The following BBS9 variants were observed in gnomAD, a reference collection of about 807,000 sequenced individuals.
BBS9 encodes the protein Bardet-Biedl syndrome 9.
Under a neutral mutation model 117.7 loss-of-function variants are expected in BBS9, and 89 were observed. That is an observed-to-expected ratio of 0.76 (90% CI 0.64 to 0.90). BBS9 has a LOEUF of 0.90. BBS9 is among the 40% of genes least tolerant of loss of function. The pLI is 0.00. For missense variants in BBS9, 982 were observed against 1,042.2 expected (o/e 0.94, Z 0.80); for synonymous variants, 379 against 370.9 (o/e 1.02, Z -0.25).
At chr7:33,190,705 C>T (rs762525518) in intron 5 of BBS9, among the ~76,000 whole-genome samples, 3 of 152,160 alleles carry the variant, frequency 2.0e-5, no homozygotes, top group African/African-American at 4.8e-5. Flanking sequence ...CTTCCTTTCT[C>T]GTAGAAGGCT....
At chr7:33,282,517 G>A (rs905150653) in intron 9 of BBS9, among the ~76,000 whole-genome samples, 1 of 152,024 alleles carries the variant, frequency 6.6e-6, no homozygotes, top group Non-Finnish European at 1.5e-5. Flanking sequence ...GATTACAGGT[G>A]CCCGCCACCA....
At chr7:33,423,010 G>T (rs1285465251) in intron 19 of BBS9, among the ~76,000 whole-genome samples, 1 of 152,152 alleles carries the variant, frequency 6.6e-6, no homozygotes, top group South Asian at 2.1e-4. Flanking sequence ...CTAGGTCAAT[G>T]ACCCTTCTAT....
intron 20 of BBS9, among the ~76,000 whole-genome samples, chr7:33,529,903 A>G (rs1850304849): frequency 6.6e-6 from 1 of 152,222 alleles, no homozygotes; most frequent in Admixed American, 6.5e-5. Context: ...TAGTATGTGT[A>G]TGTATTTAGA....
chr7:33,387,765 A>G (rs1444702416), intron 18 of BBS9, among the ~76,000 whole-genome samples: 3 of 152,166 alleles, frequency 2.0e-5, no homozygotes, highest in African/African-American at 7.2e-5. Context: ...TTTTTCCTCC[A>G]GTGATACTGG....
chr7:33,290,589 A>G (rs1584126682), intron 9 of BBS9, among the ~76,000 whole-genome samples: 1 of 152,228 alleles, frequency 6.6e-6, no homozygotes, highest in Non-Finnish European at 1.5e-5. Flanking sequence ...AACTTTTTAC[A>G]GAGTTTTATT....
intron 21 of BBS9, among the ~76,000 whole-genome samples, chr7:33,569,226 C>T (rs185888855): frequency 2.2e-4 from 34 of 152,224 alleles, no homozygotes; most frequent in Middle Eastern, 3.4e-3. Context: ...TATACACAAA[C>T]GCTTCGCTCA....
At chr7:33,388,887 A>G (rs1385035625) in intron 19 of BBS9, among the ~76,000 whole-genome samples, 2 of 152,204 alleles carry the variant, frequency 1.3e-5, no homozygotes, top group Non-Finnish European at 2.9e-5. Context: ...TTTCTTCACA[A>G]TGTTACTCTC....
chr7:33,393,190 C>CA (rs1163163091), intron 19 of BBS9, among the ~76,000 whole-genome samples: 1 of 151,656 alleles, frequency 6.6e-6, no homozygotes, highest in Non-Finnish European at 1.5e-5. Flanking sequence ...AACAAACAAA[C>CA]AAAAAATAAA....
intron 19 of BBS9, among the ~76,000 whole-genome samples, chr7:33,432,275 ATTTTTTT>A (rs554909955): frequency 7.0e-6 from 1 of 141,848 alleles, no homozygotes; most frequent in Non-Finnish European, 1.5e-5. Context: ...TGCCCGGCTA[ATTTTTTT>A]TTTTTTTTAG....
chr7:33,204,658 CCAAT>C (rs1344685053), intron 5 of BBS9, among the ~76,000 whole-genome samples: 2 of 152,104 alleles, frequency 1.3e-5, no homozygotes, highest in Non-Finnish European at 2.9e-5. Context: ...GACACGAAGT[CCAAT>C]CAGTTACCTT....
intron 1 of BBS9, among the ~76,000 whole-genome samples, chr7:33,134,740 G>C (rs573648718): frequency 9.2e-5 from 14 of 152,226 alleles, no homozygotes; most frequent in Non-Finnish European, 1.8e-4. Context: ...GGGATTATAG[G>C]CACACACAAC....
At chr7:33,355,682 G>T (rs1169841118) in intron 15 of BBS9, among the ~76,000 whole-genome samples, 1 of 151,866 alleles carries the variant, frequency 6.6e-6, no homozygotes, top group Non-Finnish European at 1.5e-5. Context: ...GTGTGATATT[G>T]TCATTAACTG....
chr7:33,171,295 C>A (rs529094035), intron 4 of BBS9, among the ~76,000 whole-genome samples: 1 of 151,658 alleles, frequency 6.6e-6, no homozygotes, highest in Non-Finnish European at 1.5e-5. Flanking sequence ...TCAGAAATAA[C>A]GCCGCATATC....
chr7:33,532,040 G>T (rs745655033), intron 20 of BBS9, among the ~76,000 whole-genome samples: 6 of 152,160 alleles, frequency 3.9e-5, no homozygotes, highest in Admixed American at 6.5e-5. Context: ...CACTCTCAGG[G>T]AATACCAGAC....
At chr7:33,366,745 T>C (rs1174346814) in intron 16 of BBS9, among the ~76,000 whole-genome samples, 25 of 151,970 alleles carry the variant, frequency 1.6e-4, no homozygotes, top group South Asian at 4.2e-4. Context: ...GGGGTTTCAC[T>C]GTGTTAGCCA....
intron 5 of BBS9, among the ~76,000 whole-genome samples, chr7:33,217,320 T>C (rs1401307263): frequency 1.3e-5 from 2 of 152,150 alleles, no homozygotes. Flanking sequence ...ACAGGTTGTG[T>C]ATTATTAATC....
chr7:33,459,553 T>C (rs909305101), intron 19 of BBS9, among the ~76,000 whole-genome samples: 1 of 152,112 alleles, frequency 6.6e-6, no homozygotes, highest in African/African-American at 2.4e-5. Context: ...CTCTACAAAT[T>C]CATAGCCAGT....
intron 20 of BBS9, among the ~76,000 whole-genome samples, chr7:33,512,922 C>G (rs1847185876): frequency 6.6e-6 from 1 of 152,128 alleles, no homozygotes; most frequent in African/African-American, 2.4e-5. Context: ...CCGAAGTAGC[C>G]TTTTTGCCCA....
At chr7:33,201,861 T>G (rs1785924872) in intron 5 of BBS9, among the ~76,000 whole-genome samples, 1 of 152,204 alleles carries the variant, frequency 6.6e-6, no homozygotes, top group Admixed American at 6.5e-5. Context: ...GGTAAAAGAA[T>G]ATGTGATTGG....
Sources: gnomAD v4.1 joint callset for allele counts (sites outside exome capture counted in the v4.1 genomes callset) on GRCh38, gnomAD v4.1.1 for gene constraint, MANE v1.5 for transcripts, NCBI Gene and HGNC (gene_info 2026-07-23, HGNC 2026-07-21) for gene names.